The following CTNND2 variants were observed in gnomAD, a reference collection of about 807,000 sequenced individuals.
CTNND2 encodes catenin delta 2, also known as catenin delta-2.
CTNND2 carries 22 observed loss-of-function variants against 144.4 expected under a neutral mutation model. The observed-to-expected ratio is 0.15, with a 90% CI of 0.11 to 0.22. CTNND2 has a LOEUF of 0.22. Among genes scored for constraint, CTNND2 ranks in the 10% least tolerant of loss-of-function variants. The probability of loss-of-function intolerance (pLI) is 1.00; values close to 1 mark genes in which losing one functional copy is unlikely to be tolerated. For synonymous variants in CTNND2, 751 were observed against 695.6 expected, an observed-to-expected ratio of 1.08 and a Z score of -1.25; for missense variants, 1,353 against 1,618.8, an observed-to-expected ratio of 0.84 and a Z score of 2.82.
chr5:11,565,165 C>T, intron 2 of CTNND2, 109 bp from the exon 3 acceptor site: 1 of 750,290 alleles, frequency 1.3e-6, no homozygotes, highest in Admixed American at 2.2e-5. Flanking sequence ...TCCAAGATGT[C>T]AAATTTGAGA....
At chr5:11,839,093 C>T (rs964783557) in intron 1 of CTNND2, among the ~76,000 whole-genome samples, 3 of 152,096 alleles carry the variant, frequency 2.0e-5, no homozygotes, top group East Asian at 1.9e-4. Context: ...AATTCAGAGG[C>T]GTCTAGCTCT....
intron 3 of CTNND2, among the ~76,000 whole-genome samples, chr5:11,494,269 A>G (rs544937505): frequency 2.0e-5 from 3 of 152,284 alleles, no homozygotes; most frequent in African/African-American, 7.2e-5. Flanking sequence ...ATTTGTTGTT[A>G]TATAATCAAA....
chr5:11,584,225 A>AT (rs1007512902), intron 2 of CTNND2, among the ~76,000 whole-genome samples: 7 of 152,196 alleles, frequency 4.6e-5, no homozygotes, highest in African/African-American at 1.7e-4. Flanking sequence ...AAGCTATGCA[A>AT]TAAATAACCA....
intron 9 of CTNND2, among the ~76,000 whole-genome samples, chr5:11,240,392 A>ACACCCAACACACACC (rs1742178333): frequency 8.5e-6 from 1 of 117,518 alleles, no homozygotes; most frequent in Non-Finnish European, 1.8e-5. Flanking sequence ...ACACTCACAC[A>ACACCCAACACACACC]CCCAACACAC....
chr5:11,129,314 A>AAATATATACTATATAT (rs1453790936), intron 12 of CTNND2, among the ~76,000 whole-genome samples: 1 of 99,716 alleles, frequency 1.0e-5, no homozygotes, highest in Non-Finnish European at 1.8e-5. Context: ...ATATATATAA[A>AAATATATACTATATAT]TATATATAAT....
At chr5:11,760,686 T>A (rs1049035331) in intron 1 of CTNND2, among the ~76,000 whole-genome samples, 1 of 152,162 alleles carries the variant, frequency 6.6e-6, no homozygotes, top group African/African-American at 2.4e-5. Context: ...AGAATGCTCA[T>A]TCCATGTTAT....
chr5:11,152,126 C>G (rs558070136), intron 12 of CTNND2, among the ~76,000 whole-genome samples: 17 of 152,100 alleles, frequency 1.1e-4, no homozygotes, highest in Non-Finnish European at 2.1e-4. Flanking sequence ...CACGGAGATA[C>G]TGAAAAAAGG....
At position 11,861,669 on chromosome 5, in the gene CTNND2, G is replaced by A. The variant is rs78018285; in HGVS notation, c.37+42148C>T. 2.2e-3 allele frequency among the ~76,000 whole-genome samples: 338 copies of A among 152,240 alleles called. 12 individuals carry two copies. In the East Asian group the frequency reaches 0.044, roughly 20 times the overall value. ...AAGAATCCTTGCAAAACATGAACTCGATCACGTCCCTTCTCTGCTCAAAAC... is the reference window on the plus strand; with the variant it reads ...AAGAATCCTTGCAAAACATGAACTCAATCACGTCCCTTCTCTGCTCAAAAC... On this transcript the variant is annotated intron_variant, in intron 1 of 21. Transcript: ENST00000304623.
chr5:11,171,213 C>A (rs1759868489), intron 11 of CTNND2, among the ~76,000 whole-genome samples: 1 of 152,088 alleles, frequency 6.6e-6, no homozygotes, highest in Non-Finnish European at 1.5e-5. Context: ...TGACCACAAC[C>A]TTAGAAGAGG....
At chr5:11,293,537 T>C (rs932769318) in intron 9 of CTNND2, among the ~76,000 whole-genome samples, 5 of 152,088 alleles carry the variant, frequency 3.3e-5, no homozygotes, top group Non-Finnish European at 4.4e-5. Flanking sequence ...AAACATGGTA[T>C]TACCCTTGTT....
At chr5:11,143,250 C>T (rs185956750) in intron 12 of CTNND2, among the ~76,000 whole-genome samples, 11 of 152,302 alleles carry the variant, frequency 7.2e-5, no homozygotes, top group African/African-American at 2.2e-4. Context: ...ATGACTTCCC[C>T]TACCCTTCCT....
intron 3 of CTNND2, among the ~76,000 whole-genome samples, chr5:11,474,989 TCAG>T (rs1224584045): frequency 6.6e-6 from 1 of 152,198 alleles, no homozygotes. Context: ...TGAGGTGTAA[TCAG>T]CAGAACTGTG....
intron 2 of CTNND2, among the ~76,000 whole-genome samples, chr5:11,642,438 C>T (rs144936679): frequency 1.3e-3 from 191 of 152,168 alleles, no homozygotes; most frequent in Middle Eastern, 6.8e-3. Context: ...GGTGGCGCTG[C>T]GAAAAGAATT....
chr5:11,634,070 A>T (rs1781556604), intron 2 of CTNND2, among the ~76,000 whole-genome samples: 1 of 152,104 alleles, frequency 6.6e-6, no homozygotes, highest in Admixed American at 6.6e-5. Flanking sequence ...GGCACTGCCC[A>T]TTTATCCAGC....
At chr5:11,622,458 C>T (rs1462523939) in intron 2 of CTNND2, among the ~76,000 whole-genome samples, 1 of 152,080 alleles carries the variant, frequency 6.6e-6, no homozygotes, top group Non-Finnish European at 1.5e-5. Context: ...TGACTATTTG[C>T]TGTAAGAGTT....
intron 19 of CTNND2, among the ~76,000 whole-genome samples, chr5:10,992,251 A>C (rs1320364316): frequency 6.6e-6 from 1 of 152,222 alleles, no homozygotes; most frequent in African/African-American, 2.4e-5. Context: ...AAAATTGTCC[A>C]CGGAAACCCC....
intron 2 of CTNND2, among the ~76,000 whole-genome samples, chr5:11,578,516 C>A (rs1057102105): frequency 1.3e-5 from 2 of 152,046 alleles, no homozygotes; most frequent in East Asian, 3.9e-4. Flanking sequence ...CAAAAATTAG[C>A]CAGGCACGGT....
chr5:11,681,862 T>C (rs1784434159), intron 2 of CTNND2, among the ~76,000 whole-genome samples: 1 of 152,238 alleles, frequency 6.6e-6, no homozygotes, highest in Non-Finnish European at 1.5e-5. Flanking sequence ...GGTTAATTTT[T>C]CTCAGTAGCA....
At chr5:11,497,566 A>G (rs1770096687) in intron 3 of CTNND2, among the ~76,000 whole-genome samples, 2 of 138,288 alleles carry the variant, frequency 1.4e-5, no homozygotes, top group Non-Finnish European at 3.0e-5. Flanking sequence ...AAAGAACATG[A>G]GGCCTTTTAA....
Sources: gnomAD v4.1 joint callset for allele counts (sites outside exome capture counted in the v4.1 genomes callset) on GRCh38, gnomAD v4.1.1 for gene constraint, MANE v1.5 for transcripts, NCBI Gene and HGNC (gene_info 2026-07-23, HGNC 2026-07-21) for gene names.